PREX1: variants seen among roughly 807,000 people sequenced by gnomAD.
PREX1 encodes the protein phosphatidylinositol-3,4,5-trisphosphate dependent Rac exchange factor 1.
PREX1 carries 41 observed loss-of-function variants against 198.3 expected under a neutral mutation model. That is an observed-to-expected ratio of 0.21 (90% CI 0.16 to 0.27). The LOEUF (loss-of-function observed/expected upper bound fraction) is 0.27. Among genes scored for constraint, PREX1 ranks in the 10% least tolerant of loss-of-function variants. PREX1 has a pLI of 1.00. For synonymous variants in PREX1, 843 were observed against 887.2 expected (o/e 0.95, Z 0.89); for missense variants, 1,620 against 2,200.7 (o/e 0.74, Z 5.28).
At chr20:48,693,897 C>T (rs143133292) in intron 7 of PREX1, among the ~76,000 whole-genome samples, 7 of 149,618 alleles carry the variant, frequency 4.7e-5, no homozygotes, top group East Asian at 4.1e-4. Context: ...TGTGAGCCAC[C>T]GTGCCGGCCT....
chr20:48,849,553 T>A, the PREX1 span: 9 of 152,194 alleles, frequency 5.9e-5, no homozygotes, highest in African/African-American at 1.9e-4. Flanking sequence ...TCCATCAATA[T>A]CTGTGGAATG....
At chr20:48,832,255 A>G (rs936552719), upstream of PREX1, among the ~76,000 whole-genome samples, 7 of 152,182 alleles carry the variant, frequency 4.6e-5, no homozygotes, top group Admixed American at 2.6e-4. Context: ...TTTCTGTTAC[A>G]TAAGTTTCAC....
At chr20:48,694,054 C>T (rs1195347414) in intron 7 of PREX1, among the ~76,000 whole-genome samples, 1 of 152,030 alleles carries the variant, frequency 6.6e-6, no homozygotes. Context: ...TGGGACTACA[C>T]GCATGTGCCA....
At chr20:48,626,270 A>G (rs905582009) in intron 39 of PREX1, among the ~76,000 whole-genome samples, 24 of 152,260 alleles carry the variant, frequency 1.6e-4, no homozygotes, top group Admixed American at 1.2e-3. Flanking sequence ...CACTTGCTCT[A>G]TCCTGGGAAA....
chr20:48,800,394 C>G (rs2090381178), intron 1 of PREX1, among the ~76,000 whole-genome samples: 1 of 152,192 alleles, frequency 6.6e-6, no homozygotes, highest in Non-Finnish European at 1.5e-5. Flanking sequence ...CCTAAGCAAA[C>G]TGGGGCAGTT....
At chr20:48,663,284 A>G (rs2089610290) in intron 15 of PREX1, among the ~76,000 whole-genome samples, 1 of 152,222 alleles carries the variant, frequency 6.6e-6, no homozygotes, top group Admixed American at 6.5e-5. Context: ...GGCAGGGGAT[A>G]GATCCAAAGG....
At chr20:48,840,767 A>T in the PREX1 span, among the ~76,000 whole-genome samples, 2 of 152,306 alleles carry the variant, frequency 1.3e-5, no homozygotes, top group African/African-American at 4.8e-5. Context: ...GAGCTCCCAT[A>T]GCTGTTAATA....
chr20:48,626,157 G>C lies in PREX1; in HGVS notation c.4938-230C>G, dbSNP rs963196513. On this transcript the variant is annotated intron_variant, in intron 39 of 39. Transcript: ENST00000371941. Reference sequence around the variant, plus strand: ...GAGACTGGCATTTACAAATGAAGACGTGTCTACAGGTGCACGTGTGCGTTC... The same window carrying C: ...GAGACTGGCATTTACAAATGAAGACCTGTCTACAGGTGCACGTGTGCGTTC... Among the ~76,000 whole-genome samples, 3 of 152,326 alleles carry C rather than the reference G, an allele frequency of 2.0e-5. No individual in the cohort carries two copies. The South Asian group carries it at 6.2e-4, about 32-fold the overall frequency.
chr20:48,834,117 A>G, the PREX1 span, among the ~76,000 whole-genome samples: 2 of 151,978 alleles, frequency 1.3e-5, no homozygotes, highest in Non-Finnish European at 2.9e-5. Context: ...AATGCCTCAG[A>G]AGGGTGCTGG....
chr20:48,655,531 A>G (rs1329458505), intron 18 of PREX1, among the ~76,000 whole-genome samples, 156 bp from the exon 19 acceptor site: 1 of 152,200 alleles, frequency 6.6e-6, no homozygotes, highest in Non-Finnish European at 1.5e-5. Flanking sequence ...CAGCTCCCAA[A>G]TACAGAGAGA....
At chr20:48,822,902 T>C (rs1225848983) in intron 1 of PREX1, among the ~76,000 whole-genome samples, 1 of 152,146 alleles carries the variant, frequency 6.6e-6, no homozygotes, top group Non-Finnish European at 1.5e-5. Context: ...TCTGCCTCAA[T>C]GACTGTGAAA....
At chr20:48,638,205 C>T (rs1326882698) in intron 30 of PREX1, among the ~76,000 whole-genome samples, 1 of 152,210 alleles carries the variant, frequency 6.6e-6, no homozygotes. Flanking sequence ...CGCAGGTACA[C>T]ATGCGCCCAC....
At chr20:48,669,278 G>A (rs1294350156) in intron 14 of PREX1, among the ~76,000 whole-genome samples, 1 of 152,118 alleles carries the variant, frequency 6.6e-6, no homozygotes, top group African/African-American at 2.4e-5. Context: ...TCCTCAGAGA[G>A]TCCCATCCTT....
intron 26 of PREX1, among the ~76,000 whole-genome samples, chr20:48,645,131 C>A (rs999417916): frequency 3.3e-5 from 5 of 152,228 alleles, no homozygotes; most frequent in African/African-American, 1.2e-4. Context: ...GGGGATCAGG[C>A]AGATCCCTTG....
intron 10 of PREX1, among the ~76,000 whole-genome samples, chr20:48,681,718 G>GGACGGATGGA (rs2089752836): frequency 6.6e-6 from 1 of 152,168 alleles, no homozygotes; most frequent in African/African-American, 2.4e-5. Flanking sequence ...ACGGATGGAT[G>GGACGGATGGA]TCCGGCCAGA....
At chr20:48,660,192 A>T in intron 15 of PREX1, 131 bp from the exon 16 acceptor site, 1 of 1,108,142 alleles carries the variant, frequency 9.0e-7, no homozygotes, top group Non-Finnish European at 1.3e-6. Context: ...ATTCTATTAA[A>T]ATGGAATCAT....
At chr20:48,789,388 C>T (rs1004636497) in intron 1 of PREX1, among the ~76,000 whole-genome samples, 3 of 152,224 alleles carry the variant, frequency 2.0e-5, no homozygotes, top group African/African-American at 7.2e-5. Flanking sequence ...ACATCATCAA[C>T]AGTCAGGGCT....
chr20:48,847,547 G>A, the PREX1 span, among the ~76,000 whole-genome samples: 2 of 152,118 alleles, frequency 1.3e-5, no homozygotes, highest in African/African-American at 4.8e-5. Flanking sequence ...GCATATAGAA[G>A]AAAATGAAAA....
chr20:48,801,823 T>G (rs1226097114), intron 1 of PREX1, among the ~76,000 whole-genome samples: 1 of 152,104 alleles, frequency 6.6e-6, no homozygotes, highest in Non-Finnish European at 1.5e-5. Flanking sequence ...CCCTCATGAG[T>G]GGGCTGGTGC....
Sources: allele counts gnomAD v4.1 joint callset (sites outside exome capture counted in the v4.1 genomes callset), GRCh38; gene constraint gnomAD v4.1.1; transcripts MANE v1.5; gene names NCBI Gene and HGNC (gene_info 2026-07-23, HGNC 2026-07-21).